Variants in EFCAB8 observed in about 807,000 individuals in gnomAD.
The protein encoded by EFCAB8 is EF-hand calcium-binding domain-containing protein 8.
In EFCAB8, 100 loss-of-function variants were observed where a neutral mutation model predicts 116.3. The ratio of observed to expected loss-of-function variants is 0.86; its 90% CI spans 0.73 to 1.02. The LOEUF (loss-of-function observed/expected upper bound fraction) is 1.02, where lower values mean the gene tolerates loss of function less well. Ranked by LOEUF, EFCAB8 falls within the 50% of genes least tolerant of loss-of-function variation. The pLI, the probability that EFCAB8 is intolerant of heterozygous loss-of-function variation, is 0.00. For missense variants in EFCAB8, 1,320 were observed against 1,416.9 expected, an observed-to-expected ratio of 0.93 and a Z score of 1.10; for synonymous variants, 558 against 567.9, an observed-to-expected ratio of 0.98 and a Z score of 0.25.
chr20:32,909,831 T>C lies in EFCAB8; in HGVS notation c.1457T>C (p.Leu486Pro). The change falls in exon 15 of 27, where the codon CTA (leucine) becomes CCA (proline). Residue 486 changes from leucine to proline, a missense_variant. Leu to Pro is a moderately conservative substitution (Grantham distance 98). Coordinates refer to ENST00000400522, the MANE Select transcript of EFCAB8 (RefSeq NM_001143967.2). ...TTTCCTCACCTACAGATCGGGATCC[T>C]AAAAGGGTACTTAGAGGCCCAGGGG... ...LICSTYSIGILKGYLEAQGLI... is the reference protein window; with the variant it reads ...LICSTYSIGIPKGYLEAQGLI... 2 of 1,249,552 alleles carry C rather than the reference T, an allele frequency of 1.6e-6. No individual in the cohort carries two copies. The highest frequency in any genetic ancestry group is 2.0e-6 in the Non-Finnish European group (2 of 987,954). The allele number at this position is 1,249,552 out of a possible 1,614,324, so 77.4% of individuals were successfully genotyped here. A position where few individuals can be genotyped will look rare whatever the true frequency, so the allele number is the denominator to read the frequency against.
At chr20:32,893,075 A>G in intron 8 of EFCAB8, 99 bp from the exon 9 acceptor site, 1 of 1,424,990 alleles carries the variant, frequency 7.0e-7, no homozygotes, top group Non-Finnish European at 9.6e-7. Context: ...TCCTGACCTC[A>G]GGTGATTAAC....
chr20:32,922,692 A>G (rs758255522), intron 20 of EFCAB8, among the ~76,000 whole-genome samples: 3 of 152,222 alleles, frequency 2.0e-5, no homozygotes, highest in African/African-American at 4.8e-5. Flanking sequence ...ATCTGCATAG[A>G]GCCTGAAGGA....
intron 10 of EFCAB8, among the ~76,000 whole-genome samples, chr20:32,897,710 CTCT>C (rs1986230425): frequency 6.6e-6 from 1 of 152,174 alleles, no homozygotes; most frequent in African/African-American, 2.4e-5. Context: ...ACTGCACCCG[CTCT>C]TCTGTCTTCT....
intron 23 of EFCAB8, among the ~76,000 whole-genome samples, chr20:32,957,320 A>T (rs907899639): frequency 6.9e-5 from 9 of 131,066 alleles, no homozygotes; most frequent in African/African-American, 3.3e-4. Context: ...AATAAAATTA[A>T]AAAAAAAAAA....
chr20:32,920,317 C>G, intron 20 of EFCAB8, 102 bp downstream of exon 20: 1 of 1,445,962 alleles, frequency 6.9e-7, no homozygotes. Context: ...GGGGCCCGGC[C>G]TGATTCTCCC....
Position 32,911,352 on chromosome 20 carries a change from G to A in EFCAB8, c.1558-128G>A, listed in dbSNP as rs541566729. ...CCTGTTTTCAAAAGTGGCTTATGCT[G>A]TAGCAGGGGGCCCTGAACGTCTGTT... On this transcript the variant is annotated intron_variant, in intron 15 of 26. Transcript: ENST00000400522. 1.4e-5 allele frequency: 11 copies of A among 772,612 alleles called. No individual in the cohort carries two copies. The East Asian group carries it at 2.3e-4, about 16-fold the overall frequency. 47.9% of individuals were successfully genotyped at this position (772,612 alleles called of 1,614,324 possible).
intron 11 of EFCAB8, among the ~76,000 whole-genome samples, chr20:32,900,991 C>T (rs62208909): frequency 0.15 from 23,223 of 152,226 alleles, 1,856 homozygotes; most frequent in South Asian, 0.2. Flanking sequence ...CATGAGCCAC[C>T]GCGCCCGGCC....
At chr20:32,896,585 C>T (rs1278319898) in intron 10 of EFCAB8, 58 bp downstream of exon 10, 20 of 708,488 alleles carry the variant, frequency 2.8e-5, no homozygotes, top group Non-Finnish European at 5.2e-5. Context: ...ACACACACCA[C>T]TCAAAATAAA....
chr20:32,885,440 C>A, intron 5 of EFCAB8, 65 bp from the exon 6 acceptor site: 1 of 1,539,008 alleles, frequency 6.5e-7, no homozygotes. Context: ...CTCTGTTCTG[C>A]CGCAGGTGCC....
chr20:32,939,228 TTCCC>T (rs1386287038), intron 22 of EFCAB8, among the ~76,000 whole-genome samples: 1 of 116,098 alleles, frequency 8.6e-6, no homozygotes, highest in Admixed American at 8.4e-5. Context: ...CTCTCTCTCT[TTCCC>T]TCCCTCCCTG....
chr20:32,900,638 C>T (rs1408056378), intron 11 of EFCAB8, among the ~76,000 whole-genome samples: 1 of 152,334 alleles, frequency 6.6e-6, no homozygotes, highest in South Asian at 2.1e-4. Context: ...ACAATCTCGG[C>T]TCACTGCAAC....
At chr20:32,888,200 A>T (rs1172721332) in intron 6 of EFCAB8, among the ~76,000 whole-genome samples, 1 of 151,658 alleles carries the variant, frequency 6.6e-6, no homozygotes, top group Non-Finnish European at 1.5e-5. Context: ...AGTAGCTGGG[A>T]CTACAGGCAT....
Position 32,952,889 on chromosome 20 carries a change from G to A in EFCAB8, c.2960-5532G>A, listed in dbSNP as rs571289475. The stretch of plus-strand genomic sequence containing the variant: ...TAAGTCTACAGTTCAGTAGTGTTAA[G>A]TATATTCACATTGTTGTGCCATAGA... On this transcript the variant is annotated intron_variant, in intron 23 of 26. Coordinates refer to ENST00000400522, the MANE Select transcript of EFCAB8 (RefSeq NM_001143967.2). 1.3e-4 allele frequency among the ~76,000 whole-genome samples: 20 copies of A among 152,262 alleles called. 1 individual carries two copies. The highest frequency in any genetic ancestry group is 8.5e-4 in the Admixed American group (13 of 15,296).
chr20:32,894,782 A>C (rs978569563), intron 9 of EFCAB8, among the ~76,000 whole-genome samples: 1 of 152,238 alleles, frequency 6.6e-6, no homozygotes, highest in Non-Finnish European at 1.5e-5. Context: ...CACAGTGACT[A>C]TGCTATGACT....
At chr20:32,910,362 G>A (rs1394329430) in intron 15 of EFCAB8, among the ~76,000 whole-genome samples, 1 of 152,212 alleles carries the variant, frequency 6.6e-6, no homozygotes, top group Non-Finnish European at 1.5e-5. Context: ...GGCCCAGGCA[G>A]CAGGCAGCAC....
chr20:32,931,713 G>A (rs899452467), intron 22 of EFCAB8, among the ~76,000 whole-genome samples: 26 of 152,292 alleles, frequency 1.7e-4, no homozygotes, highest in East Asian at 1.4e-3. Context: ...AGCTGAGATC[G>A]CGCCATTGCA....
intron 2 of EFCAB8, among the ~76,000 whole-genome samples, 184 bp downstream of exon 2, chr20:32,864,018 C>G (rs1411461405): frequency 6.6e-6 from 1 of 151,888 alleles, no homozygotes; most frequent in Non-Finnish European, 1.5e-5. Context: ...GCTCTGTCGC[C>G]CAGGCTGGAG....
At chr20:32,869,456 G>C (rs939836761) in intron 3 of EFCAB8, among the ~76,000 whole-genome samples, 1 of 152,088 alleles carries the variant, frequency 6.6e-6, no homozygotes, top group African/African-American at 2.4e-5. Flanking sequence ...GGCTGGTCTC[G>C]AGCTCCCGAC....
At chr20:32,914,260 C>T (rs1285241350) in intron 17 of EFCAB8, among the ~76,000 whole-genome samples, 1 of 152,154 alleles carries the variant, frequency 6.6e-6, no homozygotes, top group Non-Finnish European at 1.5e-5. Context: ...TGCTGTGGTC[C>T]CATGGGCACT....
Sources: allele counts gnomAD v4.1 joint callset (sites outside exome capture counted in the v4.1 genomes callset), GRCh38; gene constraint gnomAD v4.1.1; transcripts MANE v1.5; gene names NCBI Gene and HGNC (gene_info 2026-07-23, HGNC 2026-07-21).